The following ESRRG variants were observed in gnomAD, a reference collection of about 807,000 sequenced individuals.
ESRRG encodes estrogen related receptor gamma.
ESRRG carries 13 observed loss-of-function variants against 44.0 expected under a neutral mutation model. The ratio of observed to expected loss-of-function variants is 0.30; its 90% CI spans 0.19 to 0.47. The LOEUF is 0.47. Ranked by LOEUF, ESRRG falls within the 20% of genes least tolerant of loss-of-function variation. The pLI is 1.00. For synonymous variants in ESRRG, 215 were observed against 214.6 expected (o/e 1.00, Z -0.02); for missense variants, 395 against 580.6 (o/e 0.68, Z 3.29).
chr1:217,009,702 C>CTTTTTTT (rs11325118), intron 1 of ESRRG, among the ~76,000 whole-genome samples: 155 of 106,324 alleles, frequency 1.5e-3, no homozygotes, highest in Non-Finnish European at 2.1e-3. Flanking sequence ...TTTTCTTTTT[C>CTTTTTTT]TTTTTTTTTT....
chr1:216,568,358 A>G (rs1211151416), intron 3 of ESRRG, among the ~76,000 whole-genome samples: 1 of 152,214 alleles, frequency 6.6e-6, no homozygotes, highest in Non-Finnish European at 1.5e-5. Context: ...ATCAAAGAAA[A>G]GGCAGATTTC....
intron 3 of ESRRG, among the ~76,000 whole-genome samples, chr1:216,630,438 G>A (rs1401251733): frequency 7.9e-6 from 1 of 127,210 alleles, no homozygotes; most frequent in Non-Finnish European, 1.7e-5. Flanking sequence ...ATGCACATGT[G>A]CGTGTGAACA....
chr1:216,821,832 T>A (rs774724379), intron 2 of ESRRG, among the ~76,000 whole-genome samples: 88 of 152,056 alleles, frequency 5.8e-4, no homozygotes, highest in Non-Finnish European at 4.1e-4. Context: ...CTCACTTGTG[T>A]CTTACAGTGC....
At chr1:216,958,908 C>T (rs917908959) in intron 1 of ESRRG, among the ~76,000 whole-genome samples, 1 of 152,130 alleles carries the variant, frequency 6.6e-6, no homozygotes, top group African/African-American at 2.4e-5. Flanking sequence ...TCCTTTAGTA[C>T]CTTCTGGAAT....
intron 2 of ESRRG, among the ~76,000 whole-genome samples, chr1:216,890,202 C>T (rs183769180): frequency 6.6e-6 from 1 of 152,142 alleles, no homozygotes; most frequent in East Asian, 1.9e-4. Context: ...AAGGTTGAGG[C>T]TACAATCAGC....
intron 1 of ESRRG, among the ~76,000 whole-genome samples, chr1:216,682,347 C>G (rs1278029394): frequency 1.3e-5 from 2 of 152,166 alleles, no homozygotes; most frequent in Admixed American, 1.3e-4. Flanking sequence ...AAGAAGTTAA[C>G]ACAATTTCTA....
At chr1:216,613,015 T>C (rs1052841393) in intron 3 of ESRRG, among the ~76,000 whole-genome samples, 1 of 152,176 alleles carries the variant, frequency 6.6e-6, no homozygotes, top group Non-Finnish European at 1.5e-5. Flanking sequence ...GCTTTTCGAA[T>C]TGAACTGTAA....
intron 5 of ESRRG, among the ~76,000 whole-genome samples, chr1:216,527,075 T>A (rs1430856549): frequency 6.6e-6 from 1 of 152,220 alleles, no homozygotes; most frequent in Admixed American, 6.5e-5. Flanking sequence ...GCAAAATGAA[T>A]AAGACATAAT....
intron 1 of ESRRG, among the ~76,000 whole-genome samples, chr1:217,004,936 C>T (rs2077529942): frequency 6.6e-6 from 1 of 152,000 alleles, no homozygotes; most frequent in Non-Finnish European, 1.5e-5. Flanking sequence ...GTGGTTTCCC[C>T]CATGAGTCAT....
intron 1 of ESRRG, among the ~76,000 whole-genome samples, chr1:216,719,860 A>G (rs1004294531): frequency 6.6e-5 from 10 of 152,088 alleles, no homozygotes; most frequent in African/African-American, 2.4e-4. Context: ...ATGAGAAACC[A>G]TCACTGTAAG....
At chr1:216,743,660 A>G (rs1047442348) in intron 2 of ESRRG, among the ~76,000 whole-genome samples, 2 of 152,074 alleles carry the variant, frequency 1.3e-5, no homozygotes, top group African/African-American at 4.8e-5. Flanking sequence ...TGTTGTCATC[A>G]TCATCATCAC....
At chr1:217,097,763 A>G (rs1409230737) in intron 1 of ESRRG, among the ~76,000 whole-genome samples, 1 of 151,362 alleles carries the variant, frequency 6.6e-6, no homozygotes, top group East Asian at 1.9e-4. Context: ...CTAACTGCTT[A>G]CCTTCCCATA....
At chr1:217,129,849 T>C (rs2092940646) in intron 1 of ESRRG, among the ~76,000 whole-genome samples, 1 of 152,092 alleles carries the variant, frequency 6.6e-6, no homozygotes. Flanking sequence ...AGGCTTCCCT[T>C]TGGAGTGATA....
At chr1:216,764,364 G>T (rs544208343) in intron 2 of ESRRG, among the ~76,000 whole-genome samples, 1 of 151,778 alleles carries the variant, frequency 6.6e-6, no homozygotes, top group Non-Finnish European at 1.5e-5. Flanking sequence ...CTGCCTCCCA[G>T]GTTCAAGCGA....
chr1:217,008,835 C>T (rs2078128652), intron 1 of ESRRG, among the ~76,000 whole-genome samples: 1 of 152,080 alleles, frequency 6.6e-6, no homozygotes, highest in Admixed American at 6.6e-5. Context: ...GACTAGCATT[C>T]CCCAACTAAC....
intron 1 of ESRRG, among the ~76,000 whole-genome samples, chr1:216,693,299 G>C (rs979388029): frequency 2.0e-5 from 3 of 152,104 alleles, no homozygotes; most frequent in Non-Finnish European, 4.4e-5. Context: ...TTTTATGTGT[G>C]TAATTAAAGA....
chr1:217,130,105 A>G (rs927817840), intron 1 of ESRRG, among the ~76,000 whole-genome samples: 1 of 152,234 alleles, frequency 6.6e-6, no homozygotes, highest in African/African-American at 2.4e-5. Flanking sequence ...GGAATACTAC[A>G]TCTAGAAGAT....
At chr1:216,991,615 A>C (rs1432092669) in intron 1 of ESRRG, among the ~76,000 whole-genome samples, 1 of 85,020 alleles carries the variant, frequency 1.2e-5, no homozygotes, top group Non-Finnish European at 2.5e-5. Context: ...ATGGGATGGG[A>C]TAGGATGGGA....
At chr1:216,925,942 T>C (rs555093513) in intron 2 of ESRRG, among the ~76,000 whole-genome samples, 30 of 152,158 alleles carry the variant, frequency 2.0e-4, no homozygotes, top group African/African-American at 7.0e-4. Flanking sequence ...AGAGCTAGAC[T>C]CTGTCTCCAG....
Sources: gnomAD v4.1 joint callset for allele counts (sites outside exome capture counted in the v4.1 genomes callset) on GRCh38, gnomAD v4.1.1 for gene constraint, MANE v1.5 for transcripts, NCBI Gene and HGNC (gene_info 2026-07-23, HGNC 2026-07-21) for gene names.